Variants in ICOS observed in about 807,000 individuals in gnomAD.
ICOS encodes the protein inducible T-cell costimulator.
In ICOS, 15 loss-of-function variants were observed where a neutral mutation model predicts 24.6. That is an observed-to-expected ratio of 0.61 (90% confidence interval 0.41 to 0.94). The LOEUF (loss-of-function observed/expected upper bound fraction) is 0.94. ICOS is among the 40% of genes least tolerant of loss of function. The pLI is 0.00. For missense variants in ICOS, 200 were observed against 233.0 expected, an observed-to-expected ratio of 0.86 and a Z score of 0.92; for synonymous variants, 89 against 77.5, an observed-to-expected ratio of 1.15 and a Z score of -0.78.
intron 2 of ICOS, among the ~76,000 whole-genome samples, chr2:203,956,194 G>A (rs959718406): frequency 6.6e-6 from 1 of 152,090 alleles, no homozygotes; most frequent in African/African-American, 2.4e-5. Flanking sequence ...AGACTGCTAA[G>A]TCAGAAATAG....
chr2:203,940,556 C>T (rs1349404052), intron 1 of ICOS, among the ~76,000 whole-genome samples: 2 of 151,778 alleles, frequency 1.3e-5, no homozygotes, highest in Non-Finnish European at 1.5e-5. Flanking sequence ...AATAGGAGTC[C>T]TGGATGGCAG....
intron 1 of ICOS, among the ~76,000 whole-genome samples, chr2:203,939,070 T>C (rs1689717518): frequency 6.6e-6 from 1 of 152,244 alleles, no homozygotes; most frequent in Non-Finnish European, 1.5e-5. Context: ...GGCTTTCTCA[T>C]GCCATGAAGA....
chr2:203,939,045 C>T (rs1689717237), intron 1 of ICOS, among the ~76,000 whole-genome samples: 1 of 152,192 alleles, frequency 6.6e-6, no homozygotes, highest in Admixed American at 6.5e-5. Context: ...ATTTTCAATC[C>T]TCCCAATTTA....
intron 1 of ICOS, among the ~76,000 whole-genome samples, chr2:203,948,540 C>T (rs1046574420): frequency 2.6e-5 from 4 of 152,186 alleles, no homozygotes; most frequent in Non-Finnish European, 5.9e-5. Context: ...CTGATTGCAG[C>T]TTACAACACA....
At chr2:203,942,656 T>C (rs1238676369) in intron 1 of ICOS, among the ~76,000 whole-genome samples, 1 of 152,250 alleles carries the variant, frequency 6.6e-6, no homozygotes, top group Non-Finnish European at 1.5e-5. Flanking sequence ...ATATATCCAA[T>C]ATACCTAGAA....
At chr2:203,942,060 G>A (rs1397171738) in intron 1 of ICOS, among the ~76,000 whole-genome samples, 3 of 152,180 alleles carry the variant, frequency 2.0e-5, no homozygotes, top group Non-Finnish European at 4.4e-5. Flanking sequence ...TTGACCACGA[G>A]TGTTGTTAGG....
chr2:203,957,676 G>A (rs1396783780), intron 3 of ICOS, 123 bp from the exon 4 acceptor site: 1 of 754,884 alleles, frequency 1.3e-6, no homozygotes, highest in East Asian at 2.7e-5. Flanking sequence ...CTAAAGCCAG[G>A]AACCTAAGTC....
Position 203,955,985 on chromosome 2 carries a change from T to G in ICOS, c.394+14T>G, listed in dbSNP as rs771786604. The G allele has an allele frequency of 8.1e-5, 126 of 1,560,900 alleles. No individual in the cohort carries two copies. The highest frequency in any genetic ancestry group is 1.1e-4 in the Non-Finnish European group (124 of 1,133,984). On this transcript the variant is annotated intron_variant, in intron 2 of 4. Coordinates refer to ENST00000316386, the MANE Select transcript of ICOS (RefSeq NM_012092.4). ...TGCATATTTATGGTAAGACATTGCT[T>G]TCATCTTCCAAACTTAAGAGTATAT...
At chr2:203,951,284 G>A (rs1689969018) in intron 1 of ICOS, among the ~76,000 whole-genome samples, 1 of 152,148 alleles carries the variant, frequency 6.6e-6, no homozygotes, top group Non-Finnish European at 1.5e-5. Flanking sequence ...TGGTTAACAG[G>A]AACATTGTTT....
At chr2:203,949,844 T>C (rs997301157) in intron 1 of ICOS, among the ~76,000 whole-genome samples, 1 of 152,140 alleles carries the variant, frequency 6.6e-6, no homozygotes, top group African/African-American at 2.4e-5. Flanking sequence ...ATAAAAGTGG[T>C]GCTATCTATC....
At chr2:203,939,710 T>G (rs1189141355) in intron 1 of ICOS, among the ~76,000 whole-genome samples, 1 of 152,166 alleles carries the variant, frequency 6.6e-6, no homozygotes, top group Non-Finnish European at 1.5e-5. Context: ...TGAATTCCAC[T>G]TGGGAAAAGA....
chr2:203,955,620 C>A lies in ICOS; in HGVS notation c.59-16C>A, dbSNP rs745431176. ...TAAAATGTCACTTTTGCTTTGTTTT[C>A]TTTCTTTTTATGCAGGAGAAATCAA... On this transcript the variant is annotated splice_polypyrimidine_tract_variant and intron_variant, in intron 1 of 4. Transcript: ENST00000316386. The A allele has an allele frequency of 6.3e-7, 1 of 1,595,354 alleles. No individual in the cohort carries two copies. The highest frequency in any genetic ancestry group is 8.6e-7 in the Non-Finnish European group (1 of 1,163,338).
At chr2:203,956,808 A>G in intron 3 of ICOS, 43 bp downstream of exon 3, 2 of 1,251,714 alleles carry the variant, frequency 1.6e-6, no homozygotes, top group Non-Finnish European at 2.4e-6. Context: ...TTACAGATGC[A>G]CATCAGTGAT....
chr2:203,942,176 A>G (rs1193782562), intron 1 of ICOS, among the ~76,000 whole-genome samples: 1 of 152,220 alleles, frequency 6.6e-6, no homozygotes, highest in Non-Finnish European at 1.5e-5. Context: ...TTTTTTTTAC[A>G]GCCTGTATTT....
chr2:203,951,890 C>T (rs1043521334), intron 1 of ICOS, among the ~76,000 whole-genome samples: 1 of 152,160 alleles, frequency 6.6e-6, no homozygotes, highest in Non-Finnish European at 1.5e-5. Context: ...AAATACCCTA[C>T]GTTTTAATCT....
At chr2:203,952,635 T>C (rs1690005049) in intron 1 of ICOS, among the ~76,000 whole-genome samples, 1 of 152,202 alleles carries the variant, frequency 6.6e-6, no homozygotes, top group Admixed American at 6.5e-5. Flanking sequence ...TAACTCTGTC[T>C]AATATATATT....
At chr2:203,940,956 T>C (rs1689758570) in intron 1 of ICOS, among the ~76,000 whole-genome samples, 2 of 152,274 alleles carry the variant, frequency 1.3e-5, no homozygotes, top group South Asian at 4.2e-4. Flanking sequence ...GCTAATTTTT[T>C]TGTATTTTTC....
chr2:203,945,659 T>C (rs1689854913), intron 1 of ICOS, among the ~76,000 whole-genome samples: 1 of 152,112 alleles, frequency 6.6e-6, no homozygotes, highest in Admixed American at 6.5e-5. Context: ...GGTAGCACAA[T>C]GGTAAATATT....
At position 203,957,881 on chromosome 2, in the gene ICOS, C is replaced by T. The variant is rs1044762811; in HGVS notation, c.584C>T (p.Thr195Ile). The change falls in exon 4 of 5, where the codon ACA (threonine) becomes ATA (isoleucine). Residue 195 changes from threonine to isoleucine, a missense_variant and splice_region_variant. Thr to Ile is a moderately conservative substitution (Grantham distance 89). Transcript: ENST00000316386. ...AACACAGCCAAAAAATCTAGACTCA[C>T]AGGTATGACTCCATTTGGGGGTTTG... The part of the protein sequence containing the change: ...AVNTAKKSRL[T>I]DVTL The T allele has an allele frequency of 4.4e-6, 7 of 1,590,816 alleles. No homozygotes were observed. The highest frequency in any genetic ancestry group is 1.3e-5 in the African/African-American group (1 of 74,362).
Sources: allele counts gnomAD v4.1 joint callset (sites outside exome capture counted in the v4.1 genomes callset), GRCh38; gene constraint gnomAD v4.1.1; transcripts MANE v1.5; gene names NCBI Gene and HGNC (gene_info 2026-07-23, HGNC 2026-07-21).